KCNT2: variants seen among roughly 807,000 people sequenced by gnomAD.
KCNT2 encodes the protein potassium sodium-activated channel subfamily T member 2.
A neutral mutation model predicts 153.8 loss-of-function variants in KCNT2; 67 were observed. The ratio of observed to expected loss-of-function variants is 0.44; its 90% CI spans 0.36 to 0.53. The LOEUF is 0.53. Ranked by LOEUF, KCNT2 falls within the 20% of genes least tolerant of loss-of-function variation. The pLI, the probability that KCNT2 is intolerant of heterozygous loss-of-function variation, is 0.00. For missense variants in KCNT2, 975 were observed against 1,354.8 expected (o/e 0.72, Z 4.40); for synonymous variants, 500 against 458.8 (o/e 1.09, Z -1.15).
chr1:196,342,430 A>ATATATATATATATATG (rs1665752324), intron 14 of KCNT2, among the ~76,000 whole-genome samples: 1 of 133,884 alleles, frequency 7.5e-6, no homozygotes, highest in African/African-American at 2.9e-5. Flanking sequence ...CTATATATAT[A>ATATATATATATATATG]TATATATATA....
intron 13 of KCNT2, among the ~76,000 whole-genome samples, chr1:196,386,710 T>A (rs1670018832): frequency 6.6e-6 from 1 of 152,132 alleles, no homozygotes; most frequent in Non-Finnish European, 1.5e-5. Flanking sequence ...TTAAATTGCT[T>A]TATTTCTCAT....
At chr1:196,360,863 C>T (rs182962166) in intron 14 of KCNT2, among the ~76,000 whole-genome samples, 40 of 151,996 alleles carry the variant, frequency 2.6e-4, no homozygotes, top group Admixed American at 1.6e-3. Flanking sequence ...CACTAGCAAA[C>T]GAATACTATG....
chr1:196,494,461 G>T (rs989750117), intron 1 of KCNT2, among the ~76,000 whole-genome samples: 5 of 151,834 alleles, frequency 3.3e-5, no homozygotes, highest in Non-Finnish European at 7.4e-5. Flanking sequence ...GTGCAGTGGC[G>T]CGATCTCAGC....
chr1:196,472,923 C>G (rs910592230), intron 5 of KCNT2, among the ~76,000 whole-genome samples: 2 of 152,092 alleles, frequency 1.3e-5, no homozygotes, highest in African/African-American at 4.8e-5. Context: ...TACGCCAGAC[C>G]AGGCCTACTC....
intron 13 of KCNT2, among the ~76,000 whole-genome samples, chr1:196,384,541 TA>T (rs2148383836): frequency 6.6e-6 from 1 of 151,770 alleles, no homozygotes; most frequent in East Asian, 1.9e-4. Flanking sequence ...AAACTAAAAA[TA>T]AAAAATTAGC....
intron 1 of KCNT2, among the ~76,000 whole-genome samples, chr1:196,577,602 ACCAATGGCAATGGTGCCTGG>A (rs1429148664): frequency 2.0e-5 from 3 of 152,182 alleles, no homozygotes; most frequent in Non-Finnish European, 4.4e-5. Context: ...TGAGGAAAGA[ACCAATGGCAATGGTGCCTGG>A]CCCTAACACA....
intron 1 of KCNT2, among the ~76,000 whole-genome samples, chr1:196,517,097 C>A (rs1033568287): frequency 6.6e-6 from 1 of 152,178 alleles, no homozygotes; most frequent in Non-Finnish European, 1.5e-5. Flanking sequence ...TCTCCACACT[C>A]TGGGGAGTCC....
intron 22 of KCNT2, among the ~76,000 whole-genome samples, chr1:196,299,797 C>T (rs1437542801): frequency 6.6e-6 from 1 of 152,136 alleles, no homozygotes; most frequent in South Asian, 2.1e-4. Flanking sequence ...GGTATCTGCA[C>T]TTTCATGTTT....
chr1:196,348,610 C>T (rs1420992933), intron 14 of KCNT2, among the ~76,000 whole-genome samples: 1 of 152,042 alleles, frequency 6.6e-6, no homozygotes, highest in Non-Finnish European at 1.5e-5. Flanking sequence ...TCATTGCTAG[C>T]TACAGCTACT....
chr1:196,395,929 G>C (rs906253035), intron 13 of KCNT2, among the ~76,000 whole-genome samples: 2 of 151,600 alleles, frequency 1.3e-5, no homozygotes, highest in Non-Finnish European at 3.0e-5. Context: ...ACAAGGACAA[G>C]AATATCATAA....
chr1:196,540,599 T>C (rs1656221607), intron 1 of KCNT2, among the ~76,000 whole-genome samples: 1 of 152,168 alleles, frequency 6.6e-6, no homozygotes, highest in Non-Finnish European at 1.5e-5. Context: ...AGCACAGTAC[T>C]GTGCTAAAGT....
chr1:196,257,353 GTT>G (rs1656603760), intron 26 of KCNT2: 1 of 979,518 alleles, frequency 1.0e-6, no homozygotes, highest in South Asian at 4.7e-5. Context: ...ATTGCCTCAT[GTT>G]GAGATTTCAA....
chr1:196,411,226 G>A (rs972800650), intron 12 of KCNT2, among the ~76,000 whole-genome samples: 3 of 150,682 alleles, frequency 2.0e-5, no homozygotes, highest in Non-Finnish European at 3.0e-5. Flanking sequence ...AAGATCAGTT[G>A]ACTATATGTG....
At chr1:196,499,600 T>C (rs1419174789) in intron 1 of KCNT2, among the ~76,000 whole-genome samples, 1 of 152,204 alleles carries the variant, frequency 6.6e-6, no homozygotes, top group Non-Finnish European at 1.5e-5. Flanking sequence ...TTCTTCCTTA[T>C]GTTATAACAT....
intron 14 of KCNT2, among the ~76,000 whole-genome samples, chr1:196,372,890 A>G (rs1668654689): frequency 6.6e-6 from 1 of 151,894 alleles, no homozygotes; most frequent in Admixed American, 6.6e-5. Flanking sequence ...GGCACTTAGA[A>G]TTTACTAATA....
chr1:196,493,427 G>A (rs528904810), intron 1 of KCNT2, among the ~76,000 whole-genome samples: 27 of 151,634 alleles, frequency 1.8e-4, no homozygotes, highest in Admixed American at 4.6e-4. Flanking sequence ...TTACAAAGCT[G>A]CTCATGCATT....
chr1:196,455,152 C>T (rs760702797), intron 8 of KCNT2, among the ~76,000 whole-genome samples: 4 of 151,896 alleles, frequency 2.6e-5, no homozygotes, highest in Admixed American at 1.3e-4. Context: ...ATTTATTTGA[C>T]GCCAGCCCCA....
At chr1:196,317,572 C>CT (rs558248130) in intron 20 of KCNT2, among the ~76,000 whole-genome samples, 133 of 151,712 alleles carry the variant, frequency 8.8e-4, no homozygotes, top group African/African-American at 3.1e-3. Flanking sequence ...CTTTCACAAT[C>CT]TTTTTTCTTC....
At chr1:196,419,590 A>T (rs1408697196) in intron 12 of KCNT2, among the ~76,000 whole-genome samples, 1 of 151,198 alleles carries the variant, frequency 6.6e-6, no homozygotes, top group Non-Finnish European at 1.5e-5. Context: ...TCATTGTTGG[A>T]CATTTGGGTT....
Sources: gnomAD v4.1 joint callset for allele counts (sites outside exome capture counted in the v4.1 genomes callset) on GRCh38, gnomAD v4.1.1 for gene constraint, MANE v1.5 for transcripts, NCBI Gene and HGNC (gene_info 2026-07-23, HGNC 2026-07-21) for gene names.